Variants in TEX26 observed in about 807,000 individuals in gnomAD.
TEX26 encodes the protein testis-expressed protein 26.
TEX26 carries 34 observed loss-of-function variants against 35.3 expected under a neutral mutation model. The ratio of observed to expected loss-of-function variants is 0.96; its 90% CI spans 0.73 to 1.28. TEX26 has a LOEUF of 1.28. Among genes scored for constraint, TEX26 ranks in the 50% most tolerant of loss-of-function variants. The probability of loss-of-function intolerance (pLI) is 0.00; values close to 1 mark genes in which losing one functional copy is unlikely to be tolerated. For missense variants in TEX26, 371 were observed against 330.1 expected (o/e 1.12, Z -0.96); for synonymous variants, 136 against 111.8 (o/e 1.22, Z -1.36).
chr13:30,967,102 G>T (rs1954564901), intron 5 of TEX26, among the ~76,000 whole-genome samples: 1 of 152,188 alleles, frequency 6.6e-6, no homozygotes, highest in South Asian at 2.1e-4. Flanking sequence ...TCTATTGGAA[G>T]TGTATCCACA....
At chr13:30,949,416 A>G (rs1241802984) in intron 2 of TEX26, among the ~76,000 whole-genome samples, 1 of 152,180 alleles carries the variant, frequency 6.6e-6, no homozygotes, top group Non-Finnish European at 1.5e-5. Context: ...GTTCAAATCA[A>G]TAAGTAAAAT....
intron 2 of TEX26, among the ~76,000 whole-genome samples, chr13:30,942,528 C>G (rs1241024353): frequency 1.3e-5 from 2 of 151,866 alleles, no homozygotes; most frequent in Non-Finnish European, 2.9e-5. Context: ...AATTAGGTCC[C>G]ATTTATTTAT....
chr13:30,959,113 G>A (rs771462216), intron 4 of TEX26, among the ~76,000 whole-genome samples: 3 of 152,128 alleles, frequency 2.0e-5, no homozygotes, highest in Non-Finnish European at 4.4e-5. Context: ...ATTCCTTCAA[G>A]AGTCAGTTTA....
At chr13:30,962,804 T>G (rs1954393702) in intron 4 of TEX26, among the ~76,000 whole-genome samples, 1 of 148,318 alleles carries the variant, frequency 6.7e-6, no homozygotes, top group South Asian at 2.2e-4. Context: ...ATGGTCCTAA[T>G]GGGTTGTTTT....
At chr13:30,940,667 T>C (rs1319990399) in intron 2 of TEX26, among the ~76,000 whole-genome samples, 1 of 152,186 alleles carries the variant, frequency 6.6e-6, no homozygotes, top group African/African-American at 2.4e-5. Flanking sequence ...CTGGTAGGTA[T>C]GAAATCAGCA....
intron 4 of TEX26, among the ~76,000 whole-genome samples, chr13:30,961,057 G>A (rs1348050108): frequency 6.6e-6 from 1 of 152,220 alleles, no homozygotes; most frequent in Non-Finnish European, 1.5e-5. Context: ...ATTATTTGTG[G>A]ATCAGTCTCT....
intron 6 of TEX26, among the ~76,000 whole-genome samples, chr13:30,972,464 A>G (rs962879411): frequency 4.6e-5 from 7 of 152,302 alleles, no homozygotes; most frequent in Admixed American, 3.3e-4. Context: ...TTATTTTAAT[A>G]TAAATTCTTT....
At chr13:30,947,380 T>A (rs1165899926) in intron 2 of TEX26, among the ~76,000 whole-genome samples, 2 of 152,148 alleles carry the variant, frequency 1.3e-5, no homozygotes, top group African/African-American at 4.8e-5. Context: ...CATATATATA[T>A]AGAAATAAGT....
intron 6 of TEX26, among the ~76,000 whole-genome samples, chr13:30,972,136 A>T (rs1448901427): frequency 6.6e-6 from 1 of 152,128 alleles, no homozygotes; most frequent in Non-Finnish European, 1.5e-5. Flanking sequence ...TGTGAGGGGT[A>T]CTCCCAACCC....
At chr13:30,968,660 G>A (rs2210409) in intron 5 of TEX26, among the ~76,000 whole-genome samples, 21,952 of 152,082 alleles carry the variant, frequency 0.14, 1,685 homozygotes, top group African/African-American at 0.19. Context: ...TCCGATCACT[G>A]CCACTTCCAG....
chr13:30,974,901 G>A lies in TEX26; in HGVS notation c.864G>A (p.Lys288=). The change falls in exon 7 of 7, where the codon AAG becomes AAA. Residue 288 remains lysine, a synonymous_variant. Transcript: ENST00000380473. Reference sequence around the variant, plus strand: ...CTCACTGTGACACTAACAAAAAGAAGAAATGAAAAGGGAAAATAGTACAAA... The same window carrying A: ...CTCACTGTGACACTAACAAAAAGAAAAAATGAAAAGGGAAAATAGTACAAA... ...IRTHCDTNKK[K]K 6.4e-7 allele frequency: 1 copy of A among 1,556,900 alleles called. No homozygotes were observed. The highest frequency in any genetic ancestry group is 8.7e-7 in the Non-Finnish European group (1 of 1,152,686).
intron 1 of TEX26, 177 bp downstream of exon 1, chr13:30,932,953 C>A: frequency 1.6e-6 from 1 of 616,872 alleles, no homozygotes; most frequent in Non-Finnish European, 2.7e-6. Flanking sequence ...ATGACGCTGC[C>A]CCTTTTCAGT....
intron 3 of TEX26, among the ~76,000 whole-genome samples, chr13:30,956,572 A>G (rs1449875352): frequency 1.3e-5 from 2 of 152,190 alleles, no homozygotes; most frequent in Non-Finnish European, 2.9e-5. Flanking sequence ...ACTAGAATTA[A>G]CATGGGTTAT....
At chr13:30,959,603 CTCTTA>C (rs56795808) in intron 4 of TEX26, among the ~76,000 whole-genome samples, 16,861 of 152,008 alleles carry the variant, frequency 0.11, 3,094 homozygotes, top group African/African-American at 0.39. Context: ...TTGTTGTTTT[CTCTTA>C]TTTTTACCAG....
intron 2 of TEX26, among the ~76,000 whole-genome samples, chr13:30,946,144 A>G (rs893966172): frequency 6.6e-6 from 1 of 151,686 alleles, no homozygotes; most frequent in Non-Finnish European, 1.5e-5. Flanking sequence ...GACTTTACTC[A>G]TTTCTTTTTA....
At chr13:30,951,710 T>C (rs1218704238) in intron 2 of TEX26, among the ~76,000 whole-genome samples, 1 of 152,186 alleles carries the variant, frequency 6.6e-6, no homozygotes, top group Non-Finnish European at 1.5e-5. Flanking sequence ...ATTTTGTATG[T>C]ATCTCTAAAA....
chr13:30,950,905 A>G (rs1384580925), intron 2 of TEX26, among the ~76,000 whole-genome samples: 1 of 152,206 alleles, frequency 6.6e-6, no homozygotes, highest in Admixed American at 6.5e-5. Flanking sequence ...TGAAATGGGG[A>G]AGGGAGAATC....
intron 2 of TEX26, among the ~76,000 whole-genome samples, chr13:30,940,322 C>CTCTTTT (rs1953433512): frequency 1.9e-5 from 1 of 52,044 alleles, no homozygotes; most frequent in African/African-American, 7.7e-5. Flanking sequence ...CATCAGCTGC[C>CTCTTTT]TTTTTTTTTT....
chr13:30,957,103 G>T (rs535219501), intron 4 of TEX26, 74 bp downstream of exon 4: 1 of 1,461,942 alleles, frequency 6.8e-7, no homozygotes, highest in Non-Finnish European at 9.4e-7. Flanking sequence ...GGCAGCATGC[G>T]TGTGTTCTTC....
Sources: allele counts gnomAD v4.1 joint callset (sites outside exome capture counted in the v4.1 genomes callset), GRCh38; gene constraint gnomAD v4.1.1; transcripts MANE v1.5; gene names NCBI Gene and HGNC (gene_info 2026-07-23, HGNC 2026-07-21).